CNIH1: variants seen among roughly 807,000 people sequenced by gnomAD.
CNIH1 encodes the protein protein cornichon homolog 1.
CNIH1 carries 12 observed loss-of-function variants against 20.2 expected under a neutral mutation model. The ratio of observed to expected loss-of-function variants is 0.59; its 90% CI spans 0.38 to 0.96. The LOEUF is 0.96. CNIH1 is among the 40% of genes least tolerant of loss of function. CNIH1 has a pLI of 0.00. For missense variants in CNIH1, 152 were observed against 178.8 expected, an observed-to-expected ratio of 0.85 and a Z score of 0.85; for synonymous variants, 69 against 63.3, an observed-to-expected ratio of 1.09 and a Z score of -0.43.
chr14:54,428,765 CTT>C (rs2030875325), intron 4 of CNIH1, among the ~76,000 whole-genome samples: 1 of 152,176 alleles, frequency 6.6e-6, no homozygotes, highest in East Asian at 1.9e-4. Context: ...CAGAGCACTT[CTT>C]TGTTTCATAG....
intron 1 of CNIH1, among the ~76,000 whole-genome samples, chr14:54,440,378 A>G (rs1227365680): frequency 6.6e-6 from 1 of 152,280 alleles, no homozygotes; most frequent in African/African-American, 2.4e-5. Context: ...CTAAAGCAAC[A>G]GAAATTCTTA....
chr14:54,440,233 G>T (rs113236286), intron 1 of CNIH1, among the ~76,000 whole-genome samples: 1 of 152,116 alleles, frequency 6.6e-6, no homozygotes, highest in Non-Finnish European at 1.5e-5. Flanking sequence ...TAAAATCTAC[G>T]TAAGAGTGAA....
chr14:54,440,136 T>C (rs2031139892), intron 1 of CNIH1, among the ~76,000 whole-genome samples: 1 of 152,244 alleles, frequency 6.6e-6, no homozygotes. Flanking sequence ...CGAGACTTTT[T>C]TGCACAAGAC....
Position 54,430,273 on chromosome 14 carries a change from T to C in CNIH1, c.395A>G (p.Tyr132Cys), listed in dbSNP as rs2030907551. Residue 132 changes from tyrosine to cysteine, a missense_variant, in exon 4 of 5, where the codon TAC (tyrosine) becomes TGC (cysteine). Tyr to Cys is a radical substitution (Grantham distance 194). Transcript: ENST00000216416. ...KLAFYLLAFF[Y>C]YLYGMIYVLV... ...CTTTTCAACTTACCCATATAGGTAGTAAAAAAATGCTAGAAGATAAAAAGC... is the reference window on the plus strand; with the variant it reads ...CTTTTCAACTTACCCATATAGGTAGCAAAAAAATGCTAGAAGATAAAAAGC... The C allele has an allele frequency of 6.2e-7, 1 of 1,613,882 alleles. No individual in the cohort carries two copies. The highest frequency in any genetic ancestry group is 1.3e-5 in the African/African-American group (1 of 74,942).
chr14:54,430,385 T>A lies in CNIH1; in HGVS notation c.283A>T (p.Met95Leu), dbSNP rs1240873856. Residue 95 changes from methionine to leucine, a missense_variant, in exon 4 of 5, where the codon ATG becomes TTG. Met to Leu is a conservative substitution (Grantham distance 15). This residue lies in a region of CNIH1 where 27 missense variants were observed against 55.4 expected (regional missense o/e 0.49). Transcript: ENST00000216416. ...HIWRYMSRPV[M>L]SGPGLYDPTT... ...GGGTCATAGAGTCCTGGGCCACTCATCACTGGTCTACTCATATACCTGGAA... is the reference window on the plus strand; with the variant it reads ...GGGTCATAGAGTCCTGGGCCACTCAACACTGGTCTACTCATATACCTGGAA... 13 of 1,613,952 alleles carry A rather than the reference T, an allele frequency of 8.1e-6. No individual in the cohort carries two copies. Among genetic ancestry groups the A allele is most frequent in the African/African-American group, 1.3e-5 (1 of 74,924 alleles).
chr14:54,436,404 T>C lies in CNIH1; in HGVS notation c.115A>G (p.Lys39Glu). ...GTATTACACTGGTCTATAGGATTCT[T>C]GTAATCAGTCTTCAGCTCATCAAAT... Reference protein sequence around the residue: ...IAFDELKTDYKNPIDQCNTLN... With the variant: ...IAFDELKTDYENPIDQCNTLN... The change falls in exon 2 of 5, where the codon AAG (lysine) becomes GAG (glutamate). Residue 39 changes from lysine (K) to glutamate (E), a missense_variant. Around this residue, in one of 3 missense-constraint regions of CNIH1, gnomAD observed 97 missense variants for 100.6 expected, o/e 0.96. Transcript: ENST00000216416. The C allele has an allele frequency of 6.4e-7, 1 of 1,570,798 alleles. No homozygotes were observed. Among genetic ancestry groups the C allele is most frequent in the Non-Finnish European group, 8.8e-7 (1 of 1,140,982 alleles).
rs118072238 is a variant in CNIH1 at position 54,430,029 on chromosome 14, T to A, written c.407+232A>T. 2.1e-3 allele frequency: 1,012 copies of A among 492,002 alleles called. 2 individuals carry two copies. The highest frequency in any genetic ancestry group is 3.1e-3 in the Non-Finnish European group (834 of 271,788). 30.5% of individuals were successfully genotyped at this position (492,002 alleles called of 1,614,324 possible). On this transcript the variant is annotated intron_variant, in intron 4 of 4. Coordinates refer to ENST00000216416, the MANE Select transcript of CNIH1 (RefSeq NM_005776.3). ...CTGACTGAATGTGTCTGAAAACTTA[T>A]GAAGCAGCATCCCTGACCAAACCTT...
Position 54,426,999 on chromosome 14 carries a change from T to A in CNIH1, c.*815A>T, listed in dbSNP as rs1051134827. Reference sequence around the variant, plus strand: ...AGGATGGTTATACAATTTTCTCTCATTCAGTTTTGAAAATCTGTAGTACCT... The same window carrying A: ...AGGATGGTTATACAATTTTCTCTCAATCAGTTTTGAAAATCTGTAGTACCT... On this transcript the variant is annotated 3_prime_UTR_variant, in exon 5 of 5. Coordinates refer to ENST00000216416, the MANE Select transcript of CNIH1 (RefSeq NM_005776.3). 1.3e-5 allele frequency: 2 copies of A among 152,208 alleles called. No homozygotes were observed. Among genetic ancestry groups the A allele is most frequent in the Non-Finnish European group, 2.9e-5 (2 of 68,012 alleles). The allele number at this position is 152,208 out of a possible 1,614,324, so 9.4% of individuals were successfully genotyped here. A position where few individuals can be genotyped will look rare whatever the true frequency, so the allele number is the denominator to read the frequency against.
rs575450461 is a variant in CNIH1, at chr14:54,426,310, G to A, written c.*1504C>T. ...TAACAGCTACTCTCTCCCAACCATG[G>A]GAAAGCACTGAAATAAAGCACTTTT... On this transcript the variant is annotated 3_prime_UTR_variant, in exon 5 of 5. Coordinates refer to ENST00000216416, the MANE Select transcript of CNIH1 (RefSeq NM_005776.3). The A allele has an allele frequency of 2.0e-5, 3 of 152,140 alleles. No individual in the cohort carries two copies. In the East Asian group the frequency reaches 5.8e-4, roughly 29 times the overall value. 9.4% of individuals were successfully genotyped at this position (152,140 alleles called of 1,614,324 possible).
Position 54,441,322 on chromosome 14 carries a change from C to G in CNIH1, c.6G>C (p.Ala2=). The change falls in exon 1 of 5, where the codon GCG becomes GCC. Residue 2 remains alanine (A), a synonymous_variant. Transcript: ENST00000216416. M[A]FTFAAFCYML... is the part of the protein sequence containing the mutation. The stretch of plus-strand genomic sequence containing the variant: ...TGTAGCAGAAGGCCGCGAACGTGAA[C>G]GCCATGGCTGGGGAGGAGGAGCGGG... 4 of 1,510,080 alleles carry G rather than the reference C, an allele frequency of 2.6e-6. No homozygotes were observed. The highest frequency in any genetic ancestry group is 3.6e-6 in the Non-Finnish European group (4 of 1,124,188). 93.5% of individuals were successfully genotyped at this position (1,510,080 alleles called of 1,614,324 possible). A position where few individuals can be genotyped will look rare whatever the true frequency, so the allele number is the denominator to read the frequency against.
At chr14:54,436,547 A>G in intron 1 of CNIH1, 110 bp from the exon 2 acceptor site, 3 of 653,580 alleles carry the variant, frequency 4.6e-6, no homozygotes, top group Non-Finnish European at 5.4e-6. Context: ...ACAAAAGTAC[A>G]CCAAGATCCC....
intron 4 of CNIH1, among the ~76,000 whole-genome samples, chr14:54,429,736 G>A (rs1331686102): frequency 2.6e-5 from 4 of 152,030 alleles, no homozygotes; most frequent in Non-Finnish European, 5.9e-5. Context: ...CTCTAGCCTG[G>A]GCAACAGAGA....
chr14:54,441,078 T>G, intron 1 of CNIH1, among the ~76,000 whole-genome samples, 169 bp downstream of exon 1: 1 of 151,032 alleles, frequency 6.6e-6, no homozygotes, highest in Non-Finnish European at 1.5e-5. Flanking sequence ...GCGCCCCGGC[T>G]CCTCCAGTAC....
intron 1 of CNIH1, among the ~76,000 whole-genome samples, chr14:54,438,226 T>A (rs1172951031): frequency 6.6e-6 from 1 of 152,172 alleles, no homozygotes; most frequent in Non-Finnish European, 1.5e-5. Flanking sequence ...GTGATCCACC[T>A]GCCTTGGCCT....
At chr14:54,436,702 C>G in intron 1 of CNIH1, 1 of 525,292 alleles carries the variant, frequency 1.9e-6, no homozygotes, top group Non-Finnish European at 3.5e-6. Context: ...TGCCTCTGCT[C>G]AAGTTATTTC....
In CNIH1 at chr14:54,436,455, C is replaced by A. The variant is rs1566717848; in HGVS notation, c.82-18G>T. 1.5e-6 allele frequency: 2 copies of A among 1,321,532 alleles called. No individual in the cohort carries two copies. Among genetic ancestry groups the A allele is most frequent in the African/African-American group, 2.9e-5 (2 of 68,792 alleles). The allele number at this position is 1,321,532 out of a possible 1,614,324, so 81.9% of individuals were successfully genotyped here. ...GCTATAATCTAAAATAAAATTAAAA[C>A]AGTTAGGACCACTCACTTTAATTAA... On this transcript the variant is annotated intron_variant, in intron 1 of 4. Transcript: ENST00000216416.
chr14:54,434,044 T>C (rs1465247785), intron 2 of CNIH1, among the ~76,000 whole-genome samples: 1 of 151,950 alleles, frequency 6.6e-6, no homozygotes, highest in African/African-American at 2.4e-5. Context: ...GAAACTAGTA[T>C]CCAGAAAAAA....
intron 1 of CNIH1, among the ~76,000 whole-genome samples, chr14:54,438,213 C>T (rs1419393413): frequency 3.9e-5 from 6 of 152,176 alleles, no homozygotes; most frequent in Admixed American, 2.0e-4. Context: ...CTCCTGAGCT[C>T]AGGTGATCCA....
rs1594614252 is a variant in CNIH1 at position 54,425,356 on chromosome 14, A to G, written c.*2458T>C. 1 of 151,324 alleles carries G rather than the reference A, an allele frequency of 6.6e-6. No homozygotes were observed. The highest frequency in any genetic ancestry group is 2.4e-5 in the African/African-American group (1 of 40,990). The allele number at this position is 151,324 out of a possible 1,614,324, so 9.4% of individuals were successfully genotyped here. A position where few individuals can be genotyped will look rare whatever the true frequency, so the allele number is the denominator to read the frequency against. ...TAGAAAGCTTTTAAAGATAAAGCAC[A>G]TAATACCAAAAGTAACTGTAATAAG... On this transcript the variant is annotated 3_prime_UTR_variant, in exon 5 of 5. Transcript: ENST00000216416.
Sources: allele counts gnomAD v4.1 joint callset (sites outside exome capture counted in the v4.1 genomes callset), GRCh38; gene constraint gnomAD v4.1.1; regional missense constraint gnomAD v4.1.1; transcripts MANE v1.5; gene names NCBI Gene and HGNC (gene_info 2026-07-23, HGNC 2026-07-21).